CCSER1: variants seen among roughly 807,000 people sequenced by gnomAD.
The protein encoded by CCSER1 is serine-rich coiled-coil domain-containing protein 1.
Under a neutral mutation model 82.0 loss-of-function variants are expected in CCSER1, and 41 were observed. The ratio of observed to expected loss-of-function variants is 0.50; its 90% CI spans 0.39 to 0.65. The LOEUF (loss-of-function observed/expected upper bound fraction) is 0.65, where lower values mean the gene tolerates loss of function less well. Ranked by LOEUF, CCSER1 falls within the 30% of genes least tolerant of loss-of-function variation. The pLI, the probability that CCSER1 is intolerant of heterozygous loss-of-function variation, is 0.00. For missense variants in CCSER1, 1,119 were observed against 1,064.2 expected (o/e 1.05, Z -0.72); for synonymous variants, 414 against 383.9 (o/e 1.08, Z -0.92).
chr4:90,714,962 A>T (rs1741355202), intron 6 of CCSER1, among the ~76,000 whole-genome samples: 1 of 151,986 alleles, frequency 6.6e-6, no homozygotes, highest in Non-Finnish European at 1.5e-5. Context: ...TGATGCTCTA[A>T]CACTGTTCAA....
At chr4:91,105,695 A>C (rs1725542552) in intron 10 of CCSER1, among the ~76,000 whole-genome samples, 1 of 151,960 alleles carries the variant, frequency 6.6e-6, no homozygotes, top group East Asian at 1.9e-4. Flanking sequence ...CAGAGTGAGA[A>C]TCCATCTCAA....
chr4:90,248,169 G>A (rs1721780329), intron 1 of CCSER1, among the ~76,000 whole-genome samples: 1 of 152,092 alleles, frequency 6.6e-6, no homozygotes, highest in Non-Finnish European at 1.5e-5. Flanking sequence ...TGGTAAATTG[G>A]TAAAGGACTT....
chr4:90,542,107 AAACTTTGAATTGTGATAAAAG>A (rs1442764159), intron 5 of CCSER1, among the ~76,000 whole-genome samples: 1 of 152,080 alleles, frequency 6.6e-6, no homozygotes, highest in African/African-American at 2.4e-5. Context: ...AATTTGTTTG[AAACTTTGAATTGTGATAAAAG>A]AACTTTTCAG....
intron 3 of CCSER1, among the ~76,000 whole-genome samples, chr4:90,347,163 G>T (rs1037722994): frequency 2.6e-5 from 4 of 151,882 alleles, no homozygotes; most frequent in African/African-American, 9.7e-5. Context: ...GAGTATAATT[G>T]GAATAAACAA....
At chr4:90,825,489 A>G (rs1760290961) in intron 8 of CCSER1, among the ~76,000 whole-genome samples, 1 of 152,186 alleles carries the variant, frequency 6.6e-6, no homozygotes, top group African/African-American at 2.4e-5. Flanking sequence ...AGAAAAAAAT[A>G]TATAACGCAT....
chr4:90,700,581 T>C (rs892544985), intron 6 of CCSER1, among the ~76,000 whole-genome samples: 2 of 152,218 alleles, frequency 1.3e-5, no homozygotes, highest in Non-Finnish European at 2.9e-5. Flanking sequence ...TCCACAATGG[T>C]TGAACTAGTT....
chr4:91,083,580 AAAC>A (rs1473340381), intron 9 of CCSER1, among the ~76,000 whole-genome samples: 2 of 152,172 alleles, frequency 1.3e-5, no homozygotes, highest in African/African-American at 4.8e-5. Context: ...AATAAAATAA[AAAC>A]AAAAAAACTA....
intron 5 of CCSER1, among the ~76,000 whole-genome samples, chr4:90,583,755 CAAGAGGTTAAAAAT>C: frequency 6.6e-6 from 1 of 151,198 alleles, no homozygotes. Context: ...CAGCTAAAAA[CAAGAGGTTAAAAAT>C]CAACCATGGA....
chr4:90,402,985 T>C (rs1753119146), intron 4 of CCSER1, among the ~76,000 whole-genome samples: 1 of 152,246 alleles, frequency 6.6e-6, no homozygotes, highest in Non-Finnish European at 1.5e-5. Context: ...TTTGCATACA[T>C]GAAGTGCAAT....
At chr4:91,121,184 T>C (rs1001271942) in intron 10 of CCSER1, among the ~76,000 whole-genome samples, 3 of 151,714 alleles carry the variant, frequency 2.0e-5, no homozygotes, top group Admixed American at 6.6e-5. Flanking sequence ...CCATTGGAGA[T>C]TTATATTGTC....
At chr4:90,610,043 G>T (rs1785244155) in intron 5 of CCSER1, among the ~76,000 whole-genome samples, 1 of 152,084 alleles carries the variant, frequency 6.6e-6, no homozygotes, top group Non-Finnish European at 1.5e-5. Flanking sequence ...ACGAGGTCAG[G>T]AGATTTGAGA....
chr4:91,332,794 C>T (rs1747047779), intron 10 of CCSER1, among the ~76,000 whole-genome samples: 2 of 151,912 alleles, frequency 1.3e-5, no homozygotes, highest in Admixed American at 1.3e-4. Context: ...GCTAAATATC[C>T]AAGTGAAATC....
At chr4:91,044,434 T>G (rs1382174113) in intron 9 of CCSER1, among the ~76,000 whole-genome samples, 1 of 152,198 alleles carries the variant, frequency 6.6e-6, no homozygotes, top group Non-Finnish European at 1.5e-5. Flanking sequence ...TTATCCAACT[T>G]TTATAATTCA....
Position 91,599,158 on chromosome 4 carries a change from G to C in CCSER1, c.*101G>C, listed in dbSNP as rs1266094139. ...GTCATGTACTTTTTCTTACATTTTAGTTATAAACAGAGTTGTGTTGTTGGG... is the reference window on the plus strand; with the variant it reads ...GTCATGTACTTTTTCTTACATTTTACTTATAAACAGAGTTGTGTTGTTGGG... On this transcript the variant is annotated 3_prime_UTR_variant, in exon 11 of 11. Coordinates refer to ENST00000509176, the MANE Select transcript of CCSER1 (RefSeq NM_001145065.2). The C allele has an allele frequency of 3.3e-5, 45 of 1,344,208 alleles. No individual in the cohort carries two copies. Among genetic ancestry groups the C allele is most frequent in the Non-Finnish European group, 4.3e-5 (44 of 1,013,932 alleles). The allele number at this position is 1,344,208 out of a possible 1,614,324, so 83.3% of individuals were successfully genotyped here.
chr4:90,137,684 C>T (rs1723943294), intron 1 of CCSER1, among the ~76,000 whole-genome samples: 1 of 152,212 alleles, frequency 6.6e-6, no homozygotes, highest in African/African-American at 2.4e-5. Flanking sequence ...TCTCTAATCT[C>T]AATTCCAATC....
At chr4:90,930,227 A>T (rs577042434) in intron 9 of CCSER1, among the ~76,000 whole-genome samples, 1 of 152,254 alleles carries the variant, frequency 6.6e-6, no homozygotes, top group Non-Finnish European at 1.5e-5. Context: ...ATCTAAATTT[A>T]ATTTCAAATT....
At chr4:90,347,999 G>A (rs1251110064) in intron 3 of CCSER1, among the ~76,000 whole-genome samples, 6 of 152,104 alleles carry the variant, frequency 3.9e-5, no homozygotes, top group Non-Finnish European at 7.4e-5. Context: ...ATTATCTTTA[G>A]CAAGCTAATG....
intron 3 of CCSER1, among the ~76,000 whole-genome samples, chr4:90,333,830 G>A (rs950941521): frequency 1.3e-5 from 2 of 152,168 alleles, no homozygotes; most frequent in African/African-American, 4.8e-5. Flanking sequence ...AGTAATATTG[G>A]AAAGTTGGAT....
At chr4:90,659,558 T>C (rs200883757) in intron 6 of CCSER1, among the ~76,000 whole-genome samples, 1 of 152,106 alleles carries the variant, frequency 6.6e-6, no homozygotes, top group East Asian at 1.9e-4. Flanking sequence ...AAACCATGTA[T>C]TGTGGGCTCC....
Sources: allele counts gnomAD v4.1 joint callset (sites outside exome capture counted in the v4.1 genomes callset), GRCh38; gene constraint gnomAD v4.1.1; transcripts MANE v1.5; gene names NCBI Gene and HGNC (gene_info 2026-07-23, HGNC 2026-07-21).